Variants in PARVA observed in about 807,000 individuals in gnomAD.
The protein encoded by PARVA is alpha-parvin.
In PARVA, 25 loss-of-function variants were observed where a neutral mutation model predicts 52.6. That is an observed-to-expected ratio of 0.48 (90% CI 0.35 to 0.66). The LOEUF is 0.66. Ranked by LOEUF, PARVA falls within the 30% of genes least tolerant of loss-of-function variation. PARVA has a pLI of 0.01. For missense variants in PARVA, 373 were observed against 450.9 expected (o/e 0.83, Z 1.56); for synonymous variants, 185 against 179.1 (o/e 1.03, Z -0.26).
chr11:12,520,515 C>T (rs965866120), intron 12 of PARVA, among the ~76,000 whole-genome samples: 3 of 152,214 alleles, frequency 2.0e-5, no homozygotes, highest in African/African-American at 7.2e-5. Flanking sequence ...TGCTGTTTAA[C>T]ACTCAAAGCT....
chr11:12,440,448 C>T (rs768962950), intron 1 of PARVA, among the ~76,000 whole-genome samples: 33 of 152,182 alleles, frequency 2.2e-4, no homozygotes, highest in Non-Finnish European at 4.7e-4. Flanking sequence ...TGAACTGGGG[C>T]TCTGTATTAG....
intron 4 of PARVA, among the ~76,000 whole-genome samples, chr11:12,482,153 T>C (rs2135045908): frequency 8.0e-6 from 1 of 125,004 alleles, no homozygotes; most frequent in Admixed American, 8.4e-5. Flanking sequence ...CGAAACCCTG[T>C]CTCAAAAAAA....
intron 1 of PARVA, among the ~76,000 whole-genome samples, chr11:12,449,125 CATTTATTT>C (rs560178447): frequency 8.6e-5 from 13 of 151,514 alleles, no homozygotes; most frequent in South Asian, 4.2e-4. Flanking sequence ...CCAAAAGGGG[CATTTATTT>C]ATTTATTTAT....
At chr11:12,487,713 G>C (rs942085965) in intron 4 of PARVA, among the ~76,000 whole-genome samples, 93 of 152,212 alleles carry the variant, frequency 6.1e-4, no homozygotes, top group African/African-American at 2.1e-3. Flanking sequence ...AAACTCAAAA[G>C]TTAGATGAAA....
At chr11:12,472,728 A>C (rs1589970792) in intron 1 of PARVA, among the ~76,000 whole-genome samples, 1 of 152,332 alleles carries the variant, frequency 6.6e-6, no homozygotes, top group East Asian at 1.9e-4. Context: ...GCTTTTATTA[A>C]GGTTGATTGC....
At chr11:12,441,247 T>A (rs1047550824) in intron 1 of PARVA, among the ~76,000 whole-genome samples, 1 of 152,194 alleles carries the variant, frequency 6.6e-6, no homozygotes, top group African/African-American at 2.4e-5. Context: ...TCCTCTAGAA[T>A]TGAGTTCAGA....
chr11:12,449,553 T>G (rs578254901), intron 1 of PARVA, among the ~76,000 whole-genome samples: 1 of 152,350 alleles, frequency 6.6e-6, no homozygotes, highest in East Asian at 1.9e-4. Context: ...TTCATGGACT[T>G]ACTGCTGCTC....
At position 12,378,574 on chromosome 11, in the gene PARVA, C is replaced by CTT. The variant is rs373881363; in HGVS notation, c.136+810_136+811dup. 8.2e-3 allele frequency among the ~76,000 whole-genome samples: 944 copies of CTT among 114,852 alleles called. 17 individuals carry two copies. Among genetic ancestry groups the CTT allele is most frequent in the African/African-American group, 0.03 (901 of 29,594 alleles). The allele number at this position is 114,852 out of a possible 152,430, so 75.3% of individuals were successfully genotyped here. A position where few individuals can be genotyped will look rare whatever the true frequency, so the allele number is the denominator to read the frequency against. On this transcript the variant is annotated intron_variant, in intron 1 of 12. Transcript: ENST00000334956. ...CAGAGTGAATTGAGGCGACCTTATT[C>CTT]TTTTTTTTTTTTTTTTTTTTCAGGG...
intron 10 of PARVA, among the ~76,000 whole-genome samples, chr11:12,516,371 T>G (rs1362434659): frequency 6.6e-6 from 1 of 152,138 alleles, no homozygotes; most frequent in East Asian, 1.9e-4. Context: ...GCATCTGACC[T>G]CTATGTCTTT....
chr11:12,518,634 T>G lies in PARVA; in HGVS notation c.1042+117T>G. On this transcript the variant is annotated intron_variant, in intron 12 of 12. Coordinates refer to ENST00000334956, the MANE Select transcript of PARVA (RefSeq NM_018222.5). The stretch of plus-strand genomic sequence containing the variant: ...CTGAAGCCTTCGTTGCTGGGGAAGG[T>G]GGGACTCGGTGCAGCTGCTCAGTCC... The G allele has an allele frequency of 4.0e-6, 3 of 748,960 alleles. No individual in the cohort carries two copies. The East Asian group carries it at 8.0e-5, about 20-fold the overall frequency. 46.4% of individuals were successfully genotyped at this position (748,960 alleles called of 1,614,324 possible).
chr11:12,390,972 G>A (rs1277353751), intron 1 of PARVA, among the ~76,000 whole-genome samples: 1 of 152,096 alleles, frequency 6.6e-6, no homozygotes, highest in Non-Finnish European at 1.5e-5. Context: ...TTGGCTGAGT[G>A]TTACAAGGCC....
chr11:12,496,363 A>AGTGCATGCATGCATGC, intron 4 of PARVA, 95 bp from the exon 5 acceptor site: 1 of 1,250,898 alleles, frequency 8.0e-7, no homozygotes, highest in Admixed American at 2.4e-5. Context: ...TGCATGCATG[A>AGTGCATGCATGCATGC]GTGCATGAGA....
At chr11:12,511,368 C>A in intron 7 of PARVA, 146 bp from the exon 8 acceptor site, 1 of 762,478 alleles carries the variant, frequency 1.3e-6, no homozygotes, top group South Asian at 1.6e-5. Flanking sequence ...TGGAAGGAGG[C>A]TTTTTGAGCT....
chr11:12,522,421 C>CTTTTTTTTTTTTTTTTTTTTTT lies in PARVA; in HGVS notation c.1042+3921_1042+3922insTTTTTTTTTTTTTTTTTTTTTT, dbSNP rs66494894. ...TAGACAACAAATCAAGAGCTTTATTCTTTTTTTTTTTTTTTTTCTTGAGAC... is the reference window on the plus strand; with the variant it reads ...TAGACAACAAATCAAGAGCTTTATTCTTTTTTTTTTTTTTTTTTTTTTTTTTTTTTTTTTTTTTTCTTGAGAC... On this transcript the variant is annotated intron_variant, in intron 12 of 12. Transcript: ENST00000334956. Among the ~76,000 whole-genome samples, 5 of 134,634 alleles carry CTTTTTTTTTTTTTTTTTTTTTT rather than the reference C, an allele frequency of 3.7e-5. 1 individual carries two copies. The highest frequency in any genetic ancestry group is 6.1e-5 in the Non-Finnish European group (4 of 65,272). 88.3% of individuals were successfully genotyped at this position (134,634 alleles called of 152,430 possible). A position where few individuals can be genotyped will look rare whatever the true frequency, so the allele number is the denominator to read the frequency against.
At chr11:12,441,114 G>C (rs1378686651) in intron 1 of PARVA, among the ~76,000 whole-genome samples, 1 of 152,186 alleles carries the variant, frequency 6.6e-6, no homozygotes, top group African/African-American at 2.4e-5. Flanking sequence ...GGGGGATTCT[G>C]TTTCTTACAA....
intron 1 of PARVA, among the ~76,000 whole-genome samples, chr11:12,465,298 G>GCAGAGAGTCCCCACCAGCACAA (rs1940840536): frequency 6.6e-6 from 1 of 152,150 alleles, no homozygotes; most frequent in Admixed American, 6.5e-5. Context: ...TCAGGACCCT[G>GCAGAGAGTCCCCACCAGCACAA]CAGAGAGTCC....
In PARVA at chr11:12,500,591, A is replaced by G. The variant is rs537554865; in HGVS notation, c.542-3723A>G. On this transcript the variant is annotated intron_variant, in intron 5 of 12. Transcript: ENST00000334956. ...GATCACCTGAGGTCAGGACTTTGAG[A>G]CCAGCCTGGCCAACATGGCAAAACC... Among the ~76,000 whole-genome samples, 213 of 151,728 alleles carry G rather than the reference A, an allele frequency of 1.4e-3. 1 individual carries two copies. Among genetic ancestry groups the G allele is most frequent in the African/African-American group, 4.9e-3 (204 of 41,318 alleles).
chr11:12,377,372 C>T, upstream of PARVA: 1 of 1,339,294 alleles, frequency 7.5e-7, no homozygotes, highest in South Asian at 1.8e-5. Flanking sequence ...TCCTGTCCTG[C>T]AAGGGGCAGT....
At chr11:12,413,953 A>T (rs1348834415) in intron 1 of PARVA, among the ~76,000 whole-genome samples, 1 of 152,238 alleles carries the variant, frequency 6.6e-6, no homozygotes, top group Non-Finnish European at 1.5e-5. Flanking sequence ...CTTTTGTCTC[A>T]TGCCATAGCC....
Sources: allele counts gnomAD v4.1 joint callset (sites outside exome capture counted in the v4.1 genomes callset), GRCh38; gene constraint gnomAD v4.1.1; transcripts MANE v1.5; gene names NCBI Gene and HGNC (gene_info 2026-07-23, HGNC 2026-07-21).